The following ZBTB46 variants were observed in gnomAD, a reference collection of about 807,000 sequenced individuals.
ZBTB46 encodes zinc finger and BTB domain-containing protein 46.
ZBTB46 carries 8 observed loss-of-function variants against 44.1 expected under a neutral mutation model. That is an observed-to-expected ratio of 0.18 (90% CI 0.11 to 0.33). The LOEUF (loss-of-function observed/expected upper bound fraction) is 0.33. ZBTB46 is among the 10% of genes least tolerant of loss of function. The pLI, the probability that ZBTB46 is intolerant of heterozygous loss-of-function variation, is 1.00. For missense variants in ZBTB46, 651 were observed against 847.7 expected (o/e 0.77, Z 2.88); for synonymous variants, 409 against 382.3 (o/e 1.07, Z -0.81).
In ZBTB46 at chr20:63,744,861, G is replaced by C. The variant is rs552591133; in HGVS notation, c.*2069C>G. On this transcript the variant is annotated 3_prime_UTR_variant, in exon 5 of 5. Transcript: ENST00000245663. The stretch of plus-strand genomic sequence containing the variant: ...GGAGCAGGACATCCTGAGTGTGGAG[G>C]GGGAGGCGGGCCTGGGTCCTGGGCA... The C allele has an allele frequency of 3.3e-5, 5 of 152,638 alleles. No individual in the cohort carries two copies. Among genetic ancestry groups the C allele is most frequent in the African/African-American group, 9.6e-5 (4 of 41,592 alleles). The allele number at this position is 152,638 out of a possible 1,614,324, so 9.5% of individuals were successfully genotyped here.
At chr20:63,766,951 G>A (rs1011643185) in intron 3 of ZBTB46, among the ~76,000 whole-genome samples, 1 of 152,130 alleles carries the variant, frequency 6.6e-6, no homozygotes, top group East Asian at 1.9e-4. Flanking sequence ...ATCTGGAATG[G>A]GGGATGCCTA....
In ZBTB46 at chr20:63,751,723, A is replaced by ATGAAGCCCCGCCCCCCGGTGGGTCTCC. The variant is rs2092166296; in HGVS notation, c.1398+962_1398+963insGGAGACCCACCGGGGGGCGGGGCTTCA. Among the ~76,000 whole-genome samples the ATGAAGCCCCGCCCCCCGGTGGGTCTCC allele has an allele frequency of 2.5e-4, 4 of 15,894 alleles. 2 individuals are homozygous for ATGAAGCCCCGCCCCCCGGTGGGTCTCC. The highest frequency in any genetic ancestry group is 1.2e-3 in the African/African-American group (4 of 3,418). The allele number at this position is 15,894 out of a possible 152,430, so 10.4% of individuals were successfully genotyped here. A position where few individuals can be genotyped will look rare whatever the true frequency, so the allele number is the denominator to read the frequency against. ...AAAGCCCCGCCCCCCGGTGGGTCGC[A>ATGAAGCCCCGCCCCCCGGTGGGTCTCC]CCATGAAGCCCCGCCCCCCGGTGGG... On this transcript the variant is annotated intron_variant, in intron 4 of 4. Transcript: ENST00000245663.
chr20:63,808,846 G>C (rs1173813426), intron 1 of ZBTB46, among the ~76,000 whole-genome samples: 2 of 151,582 alleles, frequency 1.3e-5, no homozygotes, highest in Non-Finnish European at 2.9e-5. Flanking sequence ...GGCGTGGTGG[G>C]GGCGCCTGCA....
rs573196728 is a variant in ZBTB46 at position 63,798,295 on chromosome 20, T to C, written c.-33-7505A>G. 6.6e-5 allele frequency among the ~76,000 whole-genome samples: 10 copies of C among 152,258 alleles called. No individual in the cohort carries two copies. The East Asian group carries it at 1.9e-3, about 29-fold the overall frequency. On this transcript the variant is annotated intron_variant, in intron 1 of 4. Coordinates refer to ENST00000245663, the MANE Select transcript of ZBTB46 (RefSeq NM_001369741.1). ...TTATTTTTGTCAGGTTTGTCAAAGA[T>C]CAGATGGTTGTAGATGTGTGGTATT...
chr20:63,813,554 G>A (rs901696366), intron 1 of ZBTB46, among the ~76,000 whole-genome samples: 3 of 152,184 alleles, frequency 2.0e-5, no homozygotes, highest in Admixed American at 6.6e-5. Context: ...TGCCCTGCGC[G>A]GGCGAGTCCC....
intron 1 of ZBTB46, among the ~76,000 whole-genome samples, chr20:63,828,078 G>A (rs114478894): frequency 3.9e-5 from 6 of 152,200 alleles, no homozygotes; most frequent in Non-Finnish European, 7.3e-5. Context: ...GAGCCACCAC[G>A]CCCAGCCTCA....
At chr20:63,788,747 G>A (rs529999817) in intron 2 of ZBTB46, among the ~76,000 whole-genome samples, 130 of 152,042 alleles carry the variant, frequency 8.6e-4, no homozygotes, top group Admixed American at 1.5e-3. Context: ...GCTGTGGCAG[G>A]AGAATCACTT....
chr20:63,753,663 G>A (rs1207932784), intron 3 of ZBTB46, among the ~76,000 whole-genome samples: 1 of 152,242 alleles, frequency 6.6e-6, no homozygotes, highest in Admixed American at 6.5e-5. Context: ...CGCATGTGCC[G>A]AGGGCTGCTC....
At chr20:63,782,531 C>A (rs1343145857) in intron 2 of ZBTB46, among the ~76,000 whole-genome samples, 2 of 152,144 alleles carry the variant, frequency 1.3e-5, no homozygotes, top group Non-Finnish European at 2.9e-5. Context: ...TAAGTCTGGT[C>A]ATTTATTACA....
intron 1 of ZBTB46, among the ~76,000 whole-genome samples, chr20:63,799,835 C>G (rs752776813): frequency 1.3e-5 from 2 of 152,132 alleles, no homozygotes; most frequent in Admixed American, 1.3e-4. Context: ...CTCGAGGACA[C>G]GAGCACCTGG....
Position 63,745,155 on chromosome 20 carries a change from G to C in ZBTB46, c.*1775C>G, listed in dbSNP as rs1213486184. On this transcript the variant is annotated 3_prime_UTR_variant, in exon 5 of 5. Transcript: ENST00000245663. The stretch of plus-strand genomic sequence containing the variant: ...CAGAGCCACCCACCTTGCTCGGTAA[G>C]AGTGGGCAGGGCTCACCGCTGAGGG... 6.6e-6 allele frequency: 1 copy of C among 152,336 alleles called. No homozygotes were observed. Among genetic ancestry groups the C allele is most frequent in the East Asian group, 1.9e-4 (1 of 5,256 alleles). The allele number at this position is 152,336 out of a possible 1,614,324, so 9.4% of individuals were successfully genotyped here. A position where few individuals can be genotyped will look rare whatever the true frequency, so the allele number is the denominator to read the frequency against.
intron 1 of ZBTB46, among the ~76,000 whole-genome samples, chr20:63,815,732 T>TGGGTGC (rs1349086144): frequency 2.0e-4 from 25 of 123,812 alleles, no homozygotes; most frequent in Non-Finnish European, 3.8e-4. Context: ...GCAGGTGCAG[T>TGGGTGC]AGGTGCAGGT....
chr20:63,815,624 G>A (rs2092747194), intron 1 of ZBTB46, among the ~76,000 whole-genome samples: 3 of 149,928 alleles, frequency 2.0e-5, no homozygotes, highest in African/African-American at 7.4e-5. Flanking sequence ...GGTGCAGAAG[G>A]TGCAGGTGCA....
chr20:63,770,835 G>A (rs911809464), intron 3 of ZBTB46, among the ~76,000 whole-genome samples: 1 of 152,206 alleles, frequency 6.6e-6, no homozygotes, highest in Non-Finnish European at 1.5e-5. Flanking sequence ...TGCACGATGC[G>A]CCAGCCCACG....
intron 1 of ZBTB46, among the ~76,000 whole-genome samples, chr20:63,830,630 C>T (rs990644081): frequency 1.3e-5 from 2 of 149,054 alleles, no homozygotes; most frequent in Non-Finnish European, 3.0e-5. Context: ...CGGCGGGGGG[C>T]GCGGGCGGGG....
intron 1 of ZBTB46, among the ~76,000 whole-genome samples, chr20:63,810,153 A>G (rs1194477525): frequency 6.6e-6 from 1 of 152,122 alleles, no homozygotes; most frequent in African/African-American, 2.4e-5. Context: ...CTCTGCCCCA[A>G]GGAAATAACC....
intron 3 of ZBTB46, chr20:63,769,197 C>T: frequency 1.0e-6 from 1 of 985,366 alleles, no homozygotes; most frequent in South Asian, 4.7e-5. Flanking sequence ...ACACCATGCC[C>T]CAAGTGTTTG....
chr20:63,777,035 G>A (rs547068192), intron 2 of ZBTB46, among the ~76,000 whole-genome samples: 2 of 140,648 alleles, frequency 1.4e-5, no homozygotes, highest in Admixed American at 7.3e-5. Context: ...TCCACCACAC[G>A]CCACGGTTCC....
At chr20:63,805,360 C>T (rs2092674726) in intron 1 of ZBTB46, among the ~76,000 whole-genome samples, 1 of 152,180 alleles carries the variant, frequency 6.6e-6, no homozygotes, top group Non-Finnish European at 1.5e-5. Context: ...CGTTGAGAGG[C>T]TGAGGCGGCA....
Sources: gnomAD v4.1 joint callset for allele counts (sites outside exome capture counted in the v4.1 genomes callset) on GRCh38, gnomAD v4.1.1 for gene constraint, MANE v1.5 for transcripts, NCBI Gene and HGNC (gene_info 2026-07-23, HGNC 2026-07-21) for gene names.